The following GSDMC variants were observed in gnomAD, a reference collection of about 807,000 sequenced individuals.
GSDMC encodes gasdermin-C.
In GSDMC, 59 loss-of-function variants were observed where a neutral mutation model predicts 58.0. The ratio of observed to expected loss-of-function variants is 1.02; its 90% CI spans 0.82 to 1.26. GSDMC has a LOEUF of 1.26. Ranked by LOEUF, GSDMC falls within the 50% of genes most tolerant of loss-of-function variation. The pLI, the probability that GSDMC is intolerant of heterozygous loss-of-function variation, is 0.00. For missense variants in GSDMC, 659 were observed against 598.5 expected (o/e 1.10, Z -1.06); for synonymous variants, 241 against 220.2 (o/e 1.09, Z -0.83).
chr8:129,737,912 G>T, the GSDMC span, among the ~76,000 whole-genome samples: 1 of 152,026 alleles, frequency 6.6e-6, no homozygotes. Context: ...CAATCTACTC[G>T]TCTGACAAAG....
chr8:129,765,679 G>A lies in GSDMC; in HGVS notation c.519C>T (p.Ser173=). 1.2e-6 allele frequency: 2 copies of A among 1,612,820 alleles called. No homozygotes were observed. Among genetic ancestry groups the A allele is most frequent in the South Asian group, 1.1e-5 (1 of 91,040 alleles). Residue 173 remains serine (S), a synonymous_variant, in exon 4 of 14, where the codon AGC becomes AGT. Transcript: ENST00000276708. ...TTTTCCCTAAAATATTCACACTACT[G>A]CTATCGTACAGCACAGTATTGTTGA... is the stretch of plus-strand genomic sequence containing the variant. The part of the protein sequence containing the change: ...ELINNTVLYD[S]SSVNILGKIA...
the GSDMC span, among the ~76,000 whole-genome samples, chr8:129,719,773 C>T: frequency 2.0e-5 from 3 of 152,122 alleles, no homozygotes; most frequent in South Asian, 4.2e-4. Flanking sequence ...GGTGAAACCC[C>T]GTCTCTACTA....
the GSDMC span, among the ~76,000 whole-genome samples, chr8:129,717,615 A>T: frequency 6.6e-6 from 1 of 152,200 alleles, no homozygotes; most frequent in African/African-American, 2.4e-5. Flanking sequence ...TATAGATTTG[A>T]TGCTATGCCC....
At chr8:129,767,156 C>T (rs1202190672) in intron 3 of GSDMC, among the ~76,000 whole-genome samples, 2 of 152,222 alleles carry the variant, frequency 1.3e-5, no homozygotes, top group East Asian at 3.9e-4. Flanking sequence ...CAGAGCCCAA[C>T]CTAAGTTCCT....
At chr8:129,772,524 G>C (rs1424789992) in intron 3 of GSDMC, among the ~76,000 whole-genome samples, 1 of 152,070 alleles carries the variant, frequency 6.6e-6, no homozygotes, top group Non-Finnish European at 1.5e-5. Flanking sequence ...GGGTAGATAA[G>C]AGAAATGGAT....
At chr8:129,738,105 A>G in the GSDMC span, among the ~76,000 whole-genome samples, 3 of 152,368 alleles carry the variant, frequency 2.0e-5, no homozygotes, top group East Asian at 5.8e-4. Context: ...TGCAAATCAA[A>G]ACCACAATGA....
At position 129,786,521 on chromosome 8, in the gene GSDMC, C is replaced by T. The variant is rs2034559497; in HGVS notation, c.-515G>A. ...CTGGAAAAATAAGCACAGGAGGGCC[C>T]TGTTCATTTCCAGAAGAGTAAGTCT... On this transcript the variant is annotated 5_prime_UTR_variant, in exon 1 of 14. Coordinates refer to ENST00000276708, the MANE Select transcript of GSDMC (RefSeq NM_031415.3). 1 of 152,150 alleles carries T rather than the reference C, an allele frequency of 6.6e-6. No homozygotes were observed. Among genetic ancestry groups the T allele is most frequent in the East Asian group, 1.9e-4 (1 of 5,192 alleles). The allele number at this position is 152,150 out of a possible 1,614,324, so 9.4% of individuals were successfully genotyped here.
chr8:129,770,736 T>G (rs944684257), intron 3 of GSDMC, among the ~76,000 whole-genome samples: 1 of 151,814 alleles, frequency 6.6e-6, no homozygotes, highest in African/African-American at 2.4e-5. Context: ...AGAAAAAAAC[T>G]ATAAAAGTCA....
At chr8:129,746,392 G>A (rs939897664), downstream of GSDMC, among the ~76,000 whole-genome samples, 7 of 152,104 alleles carry the variant, frequency 4.6e-5, no homozygotes, top group African/African-American at 9.7e-5. Flanking sequence ...AAGAGCTGCC[G>A]TGATCTCAGA....
In GSDMC at chr8:129,786,140, C is replaced by G. The variant is rs549120871; in HGVS notation, c.-134G>C. ...ACGAGGTCAGGAGTTCAAGATCAGC[C>G]AGGCCAAGATGGTGAAACCCTGTCT... is the stretch of plus-strand genomic sequence containing the variant. On this transcript the variant is annotated 5_prime_UTR_variant, in exon 1 of 14. Transcript: ENST00000276708. The G allele has an allele frequency of 6.6e-6, 1 of 152,150 alleles. No individual in the cohort carries two copies. The highest frequency in any genetic ancestry group is 2.1e-4 in the South Asian group (1 of 4,814). 9.4% of individuals were successfully genotyped at this position (152,150 alleles called of 1,614,324 possible).
chr8:129,780,871 A>G (rs1246637404), intron 1 of GSDMC, among the ~76,000 whole-genome samples: 2 of 152,174 alleles, frequency 1.3e-5, no homozygotes, highest in Non-Finnish European at 2.9e-5. Flanking sequence ...AAGACAAACA[A>G]CAAACAGATA....
chr8:129,765,583 C>G lies in GSDMC; in HGVS notation c.570+45G>C, dbSNP rs181207015. On this transcript the variant is annotated intron_variant, in intron 4 of 13. Coordinates refer to ENST00000276708, the MANE Select transcript of GSDMC (RefSeq NM_031415.3). ...AATGAAGCTTGGCTGCCAGGACTGGCTGTATTTTTTTGAATTTCAATCCCA... is the reference window on the plus strand; with the variant it reads ...AATGAAGCTTGGCTGCCAGGACTGGGTGTATTTTTTTGAATTTCAATCCCA... 749 of 1,429,204 alleles carry G rather than the reference C, an allele frequency of 5.2e-4. 7 individuals carry two copies. The South Asian group carries it at 7.5e-3, about 14-fold the overall frequency. 88.5% of individuals were successfully genotyped at this position (1,429,204 alleles called of 1,614,324 possible). A position where few individuals can be genotyped will look rare whatever the true frequency, so the allele number is the denominator to read the frequency against.
At chr8:129,754,438 A>G (rs929076533) in intron 6 of GSDMC, among the ~76,000 whole-genome samples, 1 of 152,214 alleles carries the variant, frequency 6.6e-6, no homozygotes, top group Middle Eastern at 3.2e-3. Flanking sequence ...AACCACAGAG[A>G]TATCAAACAG....
chr8:129,728,960 G>T, the GSDMC span: 1 of 668,980 alleles, frequency 1.5e-6, no homozygotes, highest in South Asian at 1.5e-5. Flanking sequence ...TCAAGCTGCT[G>T]AACGAGAAGG....
At chr8:129,729,982 A>C in the GSDMC span, 1 of 1,503,138 alleles carries the variant, frequency 6.7e-7, no homozygotes, top group Non-Finnish European at 9.2e-7. Flanking sequence ...TACCATGGAC[A>C]GTGCTGTCCG....
chr8:129,729,959 G>A, the GSDMC span: 55 of 1,511,550 alleles, frequency 3.6e-5, no homozygotes, highest in Non-Finnish European at 4.9e-5. Context: ...GAGCTGCGGG[G>A]GCAGCATGTA....
chr8:129,772,356 G>GA (rs560447562), intron 3 of GSDMC, among the ~76,000 whole-genome samples: 29 of 150,452 alleles, frequency 1.9e-4, no homozygotes, highest in Non-Finnish European at 4.0e-4. Context: ...GGGGTTTTTT[G>GA]AAAAAAATTA....
intron 3 of GSDMC, among the ~76,000 whole-genome samples, chr8:129,767,952 G>A (rs2033923353): frequency 6.6e-6 from 1 of 152,056 alleles, no homozygotes; most frequent in Non-Finnish European, 1.5e-5. Flanking sequence ...AGGTGATTGT[G>A]GGGTCCAGCC....
chr8:129,732,931 C>T, the GSDMC span, among the ~76,000 whole-genome samples: 9 of 152,314 alleles, frequency 5.9e-5, no homozygotes, highest in East Asian at 1.9e-4. Flanking sequence ...ACAGACTGTA[C>T]CTGGAAAATC....
Sources: gnomAD v4.1 joint callset for allele counts (sites outside exome capture counted in the v4.1 genomes callset) on GRCh38, gnomAD v4.1.1 for gene constraint, MANE v1.5 for transcripts, NCBI Gene and HGNC (gene_info 2026-07-23, HGNC 2026-07-21) for gene names.